Variants in CEP63 observed in about 807,000 individuals in gnomAD.
The protein encoded by CEP63 is centrosomal protein of 63 kDa.
In CEP63, 84 loss-of-function variants were observed where a neutral mutation model predicts 89.1. The observed-to-expected ratio is 0.94, with a 90% CI of 0.79 to 1.13. The LOEUF is 1.13. Ranked by LOEUF, CEP63 falls within the 50% of genes most tolerant of loss-of-function variation. CEP63 has a pLI of 0.00. For synonymous variants in CEP63, 267 were observed against 272.5 expected, an observed-to-expected ratio of 0.98 and a Z score of 0.20; for missense variants, 838 against 813.3, an observed-to-expected ratio of 1.03 and a Z score of -0.37.
At position 134,547,487 on chromosome 3, in the gene CEP63, A is replaced by G. The variant is rs1398926139; in HGVS notation, c.1067+15A>G. 2 of 1,610,580 alleles carry G rather than the reference A, an allele frequency of 1.2e-6. No homozygotes were observed. Among genetic ancestry groups the G allele is most frequent in the East Asian group, 2.2e-5 (1 of 44,856 alleles). ...CTTGAAGGCAGGTACATAATTATAC[A>G]CACATTTCAAAAATTTCAAGTTGTT... On this transcript the variant is annotated intron_variant, in intron 9 of 14. Transcript: ENST00000675561.
the CEP63 span, chr3:134,607,492 G>A: frequency 1.0e-6 from 1 of 985,670 alleles, no homozygotes; most frequent in Non-Finnish European, 1.2e-6. Flanking sequence ...GGCCCCAGTG[G>A]CAGAGACGGT....
intron 3 of CEP63, among the ~76,000 whole-genome samples, chr3:134,514,485 A>G (rs1332862681): frequency 6.6e-6 from 1 of 152,178 alleles, no homozygotes; most frequent in Non-Finnish European, 1.5e-5. Context: ...AATCTCAAGC[A>G]AGATAAGTAA....
the CEP63 span, among the ~76,000 whole-genome samples, chr3:134,634,647 G>A: frequency 6.6e-6 from 1 of 152,152 alleles, no homozygotes; most frequent in African/African-American, 2.4e-5. Context: ...TATGCAACTG[G>A]CCCTTGAACA....
chr3:134,732,211 C>G, the CEP63 span, among the ~76,000 whole-genome samples: 1 of 152,082 alleles, frequency 6.6e-6, no homozygotes, highest in Non-Finnish European at 1.5e-5. Context: ...AATTTTGCAC[C>G]TGTATACATA....
chr3:134,714,419 A>G, the CEP63 span, among the ~76,000 whole-genome samples: 2 of 152,190 alleles, frequency 1.3e-5, no homozygotes, highest in Non-Finnish European at 2.9e-5. Context: ...GTGCTAATTC[A>G]TGTCCCATCT....
the CEP63 span, chr3:134,606,952 C>G: frequency 4.1e-6 from 4 of 985,332 alleles, no homozygotes; most frequent in Non-Finnish European, 4.8e-6. Context: ...TTCCCCTCCC[C>G]TCTCTTAACA....
chr3:134,607,758 G>A, the CEP63 span: 2 of 986,166 alleles, frequency 2.0e-6, no homozygotes, highest in South Asian at 4.7e-5. Flanking sequence ...GAGAGCACAT[G>A]TCAGCCCAGG....
the CEP63 span, among the ~76,000 whole-genome samples, chr3:134,632,787 G>T: frequency 6.6e-6 from 1 of 151,776 alleles, no homozygotes; most frequent in Non-Finnish European, 1.5e-5. Context: ...AACAGCAACA[G>T]AGAATAATCA....
chr3:134,566,528 T>C (rs1957765679), downstream of CEP63, among the ~76,000 whole-genome samples: 2 of 152,268 alleles, frequency 1.3e-5, no homozygotes, highest in South Asian at 2.1e-4. Flanking sequence ...GTCCAACCTC[T>C]CCCTTCTGGG....
the CEP63 span, chr3:134,625,129 G>T: frequency 6.3e-7 from 1 of 1,596,160 alleles, no homozygotes; most frequent in Non-Finnish European, 8.5e-7. Flanking sequence ...TCGATCCCAG[G>T]GGTAGGCTGG....
chr3:134,557,381 T>TG (rs941377903), intron 12 of CEP63, among the ~76,000 whole-genome samples: 20 of 48,566 alleles, frequency 4.1e-4, no homozygotes, highest in African/African-American at 7.2e-4. Flanking sequence ...AATTTGTTTT[T>TG]TTTTTTTTTT....
the CEP63 span, among the ~76,000 whole-genome samples, chr3:134,636,542 A>T: frequency 1.3e-5 from 2 of 152,228 alleles, no homozygotes; most frequent in African/African-American, 4.8e-5. Context: ...AGCACAGCAT[A>T]GCCTCTCAGG....
At chr3:134,717,703 A>G in the CEP63 span, among the ~76,000 whole-genome samples, 1 of 152,202 alleles carries the variant, frequency 6.6e-6, no homozygotes, top group Admixed American at 6.5e-5. Flanking sequence ...ATGAATTAGG[A>G]GGTTTCTTTA....
the CEP63 span, among the ~76,000 whole-genome samples, chr3:134,758,672 G>T: frequency 6.6e-6 from 1 of 152,192 alleles, no homozygotes; most frequent in Admixed American, 6.5e-5. Flanking sequence ...ACTCCCCTCA[G>T]ATTGGCCCTG....
the CEP63 span, among the ~76,000 whole-genome samples, chr3:134,667,408 G>T: frequency 6.6e-6 from 1 of 152,104 alleles, no homozygotes; most frequent in Non-Finnish European, 1.5e-5. Flanking sequence ...AATTCAGGGG[G>T]TGCATTACTG....
chr3:134,728,493 A>G, the CEP63 span, among the ~76,000 whole-genome samples: 678 of 152,326 alleles, frequency 4.5e-3, 1 homozygote, highest in African/African-American at 0.015. Flanking sequence ...AGCTACTTAG[A>G]TAATTTTCAG....
At chr3:134,764,616 C>T in the CEP63 span, among the ~76,000 whole-genome samples, 2 of 152,164 alleles carry the variant, frequency 1.3e-5, no homozygotes, top group African/African-American at 4.8e-5. Context: ...TGAATTGACA[C>T]CTTCCCCATC....
chr3:134,745,538 A>T, the CEP63 span, among the ~76,000 whole-genome samples: 1 of 152,122 alleles, frequency 6.6e-6, no homozygotes, highest in Non-Finnish European at 1.5e-5. Context: ...CTTTTTTAAA[A>T]TTATTATTAT....
At chr3:134,535,595 A>G (rs754034795) in intron 5 of CEP63, 2 of 150,066 alleles carry the variant, frequency 1.3e-5, no homozygotes, top group Non-Finnish European at 2.9e-5. Flanking sequence ...CTAAATTTAT[A>G]TATCTAGCCA....
Sources: allele counts gnomAD v4.1 joint callset (sites outside exome capture counted in the v4.1 genomes callset), GRCh38; gene constraint gnomAD v4.1.1; transcripts MANE v1.5; gene names NCBI Gene and HGNC (gene_info 2026-07-23, HGNC 2026-07-21).